The following PARD6G variants were observed in gnomAD, a reference collection of about 807,000 sequenced individuals.
The protein encoded by PARD6G is partitioning defective 6 homolog gamma.
In PARD6G, 7 loss-of-function variants were observed where a neutral mutation model predicts 10.7. The observed-to-expected ratio is 0.66, with a 90% confidence interval of 0.37 to 1.23. PARD6G has a LOEUF of 1.23. Among genes scored for constraint, PARD6G ranks in the 50% most tolerant of loss-of-function variants. The pLI is 0.02. For missense variants in PARD6G, 548 were observed against 571.8 expected, an observed-to-expected ratio of 0.96 and a Z score of 0.42; for synonymous variants, 287 against 269.4, an observed-to-expected ratio of 1.07 and a Z score of -0.64.
rs2052894987 is a variant in PARD6G, at chr18:80,189,208, T to C, written c.295+13502A>G. Reference sequence around the variant, plus strand: ...ATTTAGAGCAGACCTCCTTCAGCAATTCCCATGGCCAGCATTCAAGGCCAA... The same window carrying C: ...ATTTAGAGCAGACCTCCTTCAGCAACTCCCATGGCCAGCATTCAAGGCCAA... On this transcript the variant is annotated intron_variant, in intron 2 of 2. Coordinates refer to ENST00000353265, the MANE Select transcript of PARD6G (RefSeq NM_032510.4). The surrounding 1 kb of genome is among the most constrained non-coding windows in gnomAD (Gnocchi z 5.5). The C allele has an allele frequency of 6.6e-6, 1 of 152,268 alleles. No individual in the cohort carries two copies. Among genetic ancestry groups the C allele is most frequent in the African/African-American group, 2.4e-5 (1 of 41,460 alleles). 9.4% of individuals were successfully genotyped at this position (152,268 alleles called of 1,614,324 possible). A position where few individuals can be genotyped will look rare whatever the true frequency, so the allele number is the denominator to read the frequency against.
intron 2 of PARD6G, among the ~76,000 whole-genome samples, chr18:80,191,405 C>T (rs1168709589): frequency 6.6e-6 from 1 of 152,120 alleles, no homozygotes; most frequent in African/African-American, 2.4e-5. Context: ...CTTTATCAAC[C>T]TAGAGGAAAA....
rs914816678 is a variant in PARD6G, at chr18:80,247,203, C to T, written c.72+74G>A. 5 of 1,266,364 alleles carry T rather than the reference C, an allele frequency of 3.9e-6. No homozygotes were observed. The South Asian group carries it at 6.8e-5, about 17-fold the overall frequency. 78.4% of individuals were successfully genotyped at this position (1,266,364 alleles called of 1,614,324 possible). Reference sequence around the variant, plus strand: ...CCTGTCGCCTCCACGCCGCCCCAGTCCCCCTCCGCGGGGCGCCCCATTCAT... The same window carrying T: ...CCTGTCGCCTCCACGCCGCCCCAGTTCCCCTCCGCGGGGCGCCCCATTCAT... On this transcript the variant is annotated intron_variant, in intron 1 of 2. Coordinates refer to ENST00000353265, the MANE Select transcript of PARD6G (RefSeq NM_032510.4). The surrounding 1 kb of genome is among the most constrained non-coding windows in gnomAD (Gnocchi z 4.2).
At chr18:80,238,802 G>A (rs1251172634) in intron 1 of PARD6G, among the ~76,000 whole-genome samples, 1 of 144,682 alleles carries the variant, frequency 6.9e-6, no homozygotes, top group Non-Finnish European at 1.5e-5. Context: ...AGGCAAGGCT[G>A]AACTTCCACT....
chr18:80,213,095 TCA>T (rs1967125247), intron 1 of PARD6G, among the ~76,000 whole-genome samples: 2 of 152,344 alleles, frequency 1.3e-5, no homozygotes, highest in South Asian at 4.1e-4. Flanking sequence ...TTGCTTAAAG[TCA>T]CAGTTTCCAA....
At chr18:80,177,548 A>G (rs1330501883) in intron 2 of PARD6G, among the ~76,000 whole-genome samples, 1 of 149,808 alleles carries the variant, frequency 6.7e-6, no homozygotes, top group Non-Finnish European at 1.5e-5. Flanking sequence ...GGGCACACAC[A>G]CACAGGATAA....
intron 2 of PARD6G, among the ~76,000 whole-genome samples, chr18:80,190,699 C>T (rs1465664657): frequency 6.6e-6 from 1 of 152,094 alleles, no homozygotes; most frequent in African/African-American, 2.4e-5. Flanking sequence ...GTATTGGAGA[C>T]CATGGATTTG....
intron 2 of PARD6G, among the ~76,000 whole-genome samples, chr18:80,173,248 A>C (rs58507917): frequency 0.19 from 29,166 of 152,134 alleles, 2,974 homozygotes; most frequent in Middle Eastern, 0.31. Flanking sequence ...GCTATGGAAA[A>C]AGTTTGTCGT....
rs1404285419 is a variant in PARD6G, at chr18:80,166,628, C to T, written c.296-6022G>A. Among the ~76,000 whole-genome samples the T allele has an allele frequency of 2.0e-5, 3 of 150,994 alleles. No individual in the cohort carries two copies. In the Admixed American group the frequency reaches 2.0e-4, roughly 10 times the overall value. ...TCTGGTAAATGTCCTCTGTAGAGAGCGTCAGACAAGCAGGGGAGGTACGTG... is the reference window on the plus strand; with the variant it reads ...TCTGGTAAATGTCCTCTGTAGAGAGTGTCAGACAAGCAGGGGAGGTACGTG... On this transcript the variant is annotated intron_variant, in intron 2 of 2. Transcript: ENST00000353265.
At chr18:80,167,111 T>C (rs1331320286) in intron 2 of PARD6G, among the ~76,000 whole-genome samples, 1 of 152,178 alleles carries the variant, frequency 6.6e-6, no homozygotes, top group Admixed American at 6.5e-5. Context: ...GTGACACCCA[T>C]TGGGCCTCAC....
At position 80,159,638 on chromosome 18, in the gene PARD6G, C is replaced by T. The variant is rs1474328927; in HGVS notation, c.*133G>A. ...TAGGCAATACTTGTGTTTTTATATC[C>T]GGAAGTTGAAACAAAGAGCAGCGTT... On this transcript the variant is annotated 3_prime_UTR_variant, in exon 3 of 3. Coordinates refer to ENST00000353265, the MANE Select transcript of PARD6G (RefSeq NM_032510.4). 3.2e-6 allele frequency: 4 copies of T among 1,263,230 alleles called. No individual in the cohort carries two copies. The highest frequency in any genetic ancestry group is 3.2e-5 in the East Asian group (1 of 31,196). The allele number at this position is 1,263,230 out of a possible 1,614,324, so 78.3% of individuals were successfully genotyped here.
chr18:80,205,395 A>G (rs1445438339), intron 1 of PARD6G, among the ~76,000 whole-genome samples: 3 of 152,182 alleles, frequency 2.0e-5, no homozygotes, highest in Non-Finnish European at 4.4e-5. Flanking sequence ...CATAGCTCAT[A>G]TATACTCACA....
At chr18:80,172,274 G>T (rs1420309209) in intron 2 of PARD6G, among the ~76,000 whole-genome samples, 1 of 152,142 alleles carries the variant, frequency 6.6e-6, no homozygotes, top group African/African-American at 2.4e-5. Context: ...GATGACTGGT[G>T]ATGCTAAGCA....
In PARD6G at chr18:80,160,014, ATCGCTCTCC is replaced by A; in HGVS notation, c.879_887del (p.Ser295_Glu297del). 6.5e-7 allele frequency: 1 copy of A among 1,531,038 alleles called. No homozygotes were observed. The highest frequency in any genetic ancestry group is 1.3e-5 in the South Asian group (1 of 77,172). 94.8% of individuals were successfully genotyped at this position (1,531,038 alleles called of 1,614,324 possible). On this transcript the variant is annotated inframe_deletion, in exon 3 of 3. Transcript: ENST00000353265. ...CCTCGATGACGACGTCGTTGTCCTC[ATCGCTCTCC>A]GCCTCGTCGGGGTGGAAGTTCTGCA...
At chr18:80,195,572 T>TATATATATATATATATATATATACAC (rs894731117) in intron 2 of PARD6G, among the ~76,000 whole-genome samples, 1 of 87,346 alleles carries the variant, frequency 1.1e-5, no homozygotes, top group Non-Finnish European at 2.2e-5. Flanking sequence ...TATATATATA[T>TATATATATATATATATATATATACAC]ACACACATTT....
intron 2 of PARD6G, chr18:80,162,041 C>G (rs886900271): frequency 2.0e-5 from 3 of 152,274 alleles, no homozygotes; most frequent in Non-Finnish European, 4.4e-5. Flanking sequence ...GCTGCCTAGA[C>G]AACGAGAAGG....
intron 2 of PARD6G, among the ~76,000 whole-genome samples, chr18:80,186,246 C>T (rs1309484305): frequency 7.0e-6 from 1 of 142,684 alleles, no homozygotes; most frequent in Admixed American, 7.0e-5. Flanking sequence ...ATGCATGCAT[C>T]CTCACACACA....
At chr18:80,195,480 C>T (rs557793124) in intron 2 of PARD6G, among the ~76,000 whole-genome samples, 3 of 146,532 alleles carry the variant, frequency 2.0e-5, no homozygotes, top group South Asian at 2.2e-4. Flanking sequence ...GCCTTCACTG[C>T]AGCATTCAAG....
rs2052676134 is a variant in PARD6G at position 80,159,110 on chromosome 18, T to G, written c.*661A>C. ...TTCAAGCGATTCTCCTGCCTCAGCC[T>G]CCCAAGGTAGCTGGGATTACAGGCG... is the stretch of plus-strand genomic sequence containing the variant. On this transcript the variant is annotated 3_prime_UTR_variant, in exon 3 of 3. Transcript: ENST00000353265. The G allele has an allele frequency of 6.6e-6, 1 of 151,914 alleles. No individual in the cohort carries two copies. The highest frequency in any genetic ancestry group is 6.6e-5 in the Admixed American group (1 of 15,264). The allele number at this position is 151,914 out of a possible 1,614,324, so 9.4% of individuals were successfully genotyped here. A position where few individuals can be genotyped will look rare whatever the true frequency, so the allele number is the denominator to read the frequency against.
At position 80,160,046 on chromosome 18, in the gene PARD6G, G is replaced by T; in HGVS notation, c.856C>A (p.Gln286Lys). The change falls in exon 3 of 3, where the codon CAG becomes AAG. Residue 286 changes from glutamine (Q) to lysine (K), a missense_variant. Gln to Lys is a moderately conservative substitution (Grantham distance 53, BLOSUM62 1). Around this residue, in one of 2 missense-constraint regions of PARD6G, gnomAD observed 313 missense variants for 279.9 expected, o/e 1.12. Coordinates refer to ENST00000353265, the MANE Select transcript of PARD6G (RefSeq NM_032510.4). ...TCCGCCTCGTCGGGGTGGAAGTTCT[G>T]CAGGACGCGCGGGGCGGGGGGACCC... ...FVGPPAPRVLQNFHPDEAESD... is the reference protein window; with the variant it reads ...FVGPPAPRVLKNFHPDEAESD... The T allele has an allele frequency of 6.5e-7, 1 of 1,546,050 alleles. No individual in the cohort carries two copies.
Sources: allele counts gnomAD v4.1 joint callset (sites outside exome capture counted in the v4.1 genomes callset), GRCh38; gene constraint gnomAD v4.1.1; regional missense constraint gnomAD v4.1.1; non-coding constraint Gnocchi (gnomAD v3.1); transcripts MANE v1.5; gene names NCBI Gene and HGNC (gene_info 2026-07-23, HGNC 2026-07-21).